CDC42BPB: variants seen among roughly 807,000 people sequenced by gnomAD.
The protein encoded by CDC42BPB is CDC42 binding protein kinase beta.
Under a neutral mutation model 214.9 loss-of-function variants are expected in CDC42BPB, and 37 were observed. That is an observed-to-expected ratio of 0.17 (90% CI 0.13 to 0.23). The LOEUF (loss-of-function observed/expected upper bound fraction) is 0.23, where lower values mean the gene tolerates loss of function less well. CDC42BPB is among the 10% of genes least tolerant of loss of function. The pLI is 1.00. For missense variants in CDC42BPB, 1,694 were observed against 2,227.0 expected (o/e 0.76, Z 4.82); for synonymous variants, 931 against 884.0 (o/e 1.05, Z -0.94).
At chr14:102,971,203 T>C (rs1016948313) in intron 13 of CDC42BPB, among the ~76,000 whole-genome samples, 13 of 152,218 alleles carry the variant, frequency 8.5e-5, no homozygotes, top group African/African-American at 3.1e-4. Flanking sequence ...CAGCCAGATA[T>C]TAAAGAACAG....
At chr14:103,014,385 C>T (rs1047136320) in intron 1 of CDC42BPB, among the ~76,000 whole-genome samples, 3 of 152,132 alleles carry the variant, frequency 2.0e-5, no homozygotes, top group Non-Finnish European at 4.4e-5. Flanking sequence ...ATGTTTTATG[C>T]TAGGTTTTTT....
At chr14:102,993,978 G>T (rs1237977152) in intron 5 of CDC42BPB, among the ~76,000 whole-genome samples, 2 of 152,202 alleles carry the variant, frequency 1.3e-5, no homozygotes, top group Non-Finnish European at 1.5e-5. Flanking sequence ...ATGGAGAAAT[G>T]ATTATATAGG....
intron 36 of CDC42BPB, among the ~76,000 whole-genome samples, chr14:102,936,470 A>G (rs982850150): frequency 3.3e-5 from 5 of 152,192 alleles, no homozygotes; most frequent in African/African-American, 4.8e-5. Context: ...ACAAAACAGT[A>G]TGCCAGGTGA....
At chr14:103,021,923 A>G (rs1886798901) in intron 1 of CDC42BPB, among the ~76,000 whole-genome samples, 1 of 152,160 alleles carries the variant, frequency 6.6e-6, no homozygotes, top group Non-Finnish European at 1.5e-5. Flanking sequence ...ACTCGCACAG[A>G]GCACTGGCCA....
At chr14:102,984,333 A>T (rs1286537765) in intron 6 of CDC42BPB, among the ~76,000 whole-genome samples, 15 of 151,798 alleles carry the variant, frequency 9.9e-5, no homozygotes, top group Non-Finnish European at 2.2e-4. Flanking sequence ...TAGAATAAAG[A>T]CTCCAGTGGG....
Position 102,968,687 on chromosome 14 carries a change from GGCACCC to G in CDC42BPB, c.2019_2024del (p.Gly674_Ala675del). ...AAATCTCTTGCTGGTGCTCTAAGGT[GGCACCC>G]GCTCCCCGGCCTCCTTGCTTCACCT... On this transcript the variant is annotated inframe_deletion, in exon 15 of 37. Coordinates refer to ENST00000361246, the MANE Select transcript of CDC42BPB (RefSeq NM_006035.4). 6.2e-7 allele frequency: 1 copy of G among 1,614,036 alleles called. No homozygotes were observed. The highest frequency in any genetic ancestry group is 8.5e-7 in the Non-Finnish European group (1 of 1,180,004).
intron 20 of CDC42BPB, among the ~76,000 whole-genome samples, chr14:102,961,465 G>C (rs906164086): frequency 2.6e-5 from 4 of 151,948 alleles, no homozygotes; most frequent in African/African-American, 9.7e-5. Flanking sequence ...CTCCTGAGTA[G>C]CTGGGACTAT....
rs186840349 is a variant in CDC42BPB, at chr14:102,934,834, T to C, written c.5005-991A>G. On this transcript the variant is annotated intron_variant, in intron 36 of 36. Coordinates refer to ENST00000361246, the MANE Select transcript of CDC42BPB (RefSeq NM_006035.4). ...AGACCATCCTAACACAGTGAAACCC[T>C]GTCTCTGCTAAAAATACAAAAAAAA... is the stretch of plus-strand genomic sequence containing the variant. 4.5e-3 allele frequency among the ~76,000 whole-genome samples: 682 copies of C among 151,694 alleles called. 2 individuals are homozygous for C. The highest frequency in any genetic ancestry group is 0.017 in the South Asian group (82 of 4,798).
At chr14:103,035,109 T>C (rs1173936750) in intron 1 of CDC42BPB, among the ~76,000 whole-genome samples, 1 of 151,464 alleles carries the variant, frequency 6.6e-6, no homozygotes, top group Non-Finnish European at 1.5e-5. Context: ...CAGGCTGGAG[T>C]GCAAGTGGCA....
At chr14:103,005,340 G>A (rs1250572076) in intron 3 of CDC42BPB, among the ~76,000 whole-genome samples, 1 of 152,168 alleles carries the variant, frequency 6.6e-6, no homozygotes, top group Non-Finnish European at 1.5e-5. Flanking sequence ...AGTTCTGACC[G>A]GCTCTCAGCT....
At chr14:102,947,168 T>C (rs1892219690) in intron 27 of CDC42BPB, among the ~76,000 whole-genome samples, 1 of 152,204 alleles carries the variant, frequency 6.6e-6, no homozygotes, top group African/African-American at 2.4e-5. Flanking sequence ...AGCTGTGATT[T>C]AGTAAAAGCT....
chr14:103,006,561 G>C (rs960258973), intron 3 of CDC42BPB, among the ~76,000 whole-genome samples: 1 of 152,194 alleles, frequency 6.6e-6, no homozygotes, highest in African/African-American at 2.4e-5. Flanking sequence ...TTGCCTGGTA[G>C]AAAAATTATA....
At chr14:102,938,450 C>T (rs1462874872) in intron 34 of CDC42BPB, 39 bp from the exon 35 acceptor site, 7 of 1,508,676 alleles carry the variant, frequency 4.6e-6, no homozygotes, top group Non-Finnish European at 6.2e-6. Flanking sequence ...GCTTGGTTGA[C>T]ACCCGGCAGG....
intron 5 of CDC42BPB, among the ~76,000 whole-genome samples, chr14:102,997,539 A>G (rs1205082618): frequency 1.3e-5 from 2 of 152,196 alleles, no homozygotes; most frequent in African/African-American, 4.8e-5. Flanking sequence ...AGGACAAATG[A>G]GGAACCAACG....
chr14:103,000,988 C>T (rs1028247132), intron 4 of CDC42BPB, among the ~76,000 whole-genome samples: 3 of 152,234 alleles, frequency 2.0e-5, no homozygotes, highest in Non-Finnish European at 4.4e-5. Context: ...AGCACCACAC[C>T]GGTGGGCTTG....
Position 102,972,103 on chromosome 14 carries a change from T to C in CDC42BPB, c.1700A>G (p.His567Arg), listed in dbSNP as rs1893500560. 8.1e-6 allele frequency: 13 copies of C among 1,614,278 alleles called. No homozygotes were observed. The highest frequency in any genetic ancestry group is 1.1e-5 in the Non-Finnish European group (13 of 1,180,050). ...KSQAKELKDA[H>R]QQRKLALQEF... ...CTGCAGGGCCAGCTTTCGCTGCTGA[T>C]GGGCATCTTTGAGTTCCTTGGCCTG... The change falls in exon 13 of 37, where the codon CAT (histidine) becomes CGT (arginine). Residue 567 changes from histidine (H) to arginine (R), a missense_variant. Coordinates refer to ENST00000361246, the MANE Select transcript of CDC42BPB (RefSeq NM_006035.4).
At chr14:102,945,384 A>G in intron 29 of CDC42BPB, 5 of 535,462 alleles carry the variant, frequency 9.3e-6, no homozygotes, top group South Asian at 5.1e-5. Context: ...GCCTCAGCAC[A>G]TGTGGGAAAG....
intron 17 of CDC42BPB, 39 bp downstream of exon 17, chr14:102,967,007 G>A (rs1893237939): frequency 1.2e-6 from 2 of 1,602,314 alleles, no homozygotes; most frequent in Non-Finnish European, 8.5e-7. Context: ...GACTGAGCAG[G>A]GAGCGGATTC....
chr14:103,012,067 G>A lies in CDC42BPB; in HGVS notation c.267+30C>T, dbSNP rs35991743. On this transcript the variant is annotated intron_variant, in intron 2 of 36. Coordinates refer to ENST00000361246, the MANE Select transcript of CDC42BPB (RefSeq NM_006035.4). The stretch of plus-strand genomic sequence containing the variant: ...AGCTGCTGATGTTTTGGCAATTTAG[G>A]CAAAGTTAACAAAATGAAGTTTATC... 2,413 of 1,489,626 alleles carry A rather than the reference G, an allele frequency of 1.6e-3. 31 individuals are homozygous for A. In the African/African-American group the frequency reaches 0.03, roughly 18 times the overall value. The allele number at this position is 1,489,626 out of a possible 1,614,324, so 92.3% of individuals were successfully genotyped here.
Sources: gnomAD v4.1 joint callset for allele counts (sites outside exome capture counted in the v4.1 genomes callset) on GRCh38, gnomAD v4.1.1 for gene constraint, MANE v1.5 for transcripts, NCBI Gene and HGNC (gene_info 2026-07-23, HGNC 2026-07-21) for gene names.